ALMS1: variants seen among roughly 807,000 people sequenced by gnomAD.
The protein encoded by ALMS1 is centrosome-associated protein ALMS1.
In ALMS1, 271 loss-of-function variants were observed where a neutral mutation model predicts 352.2. That is an observed-to-expected ratio of 0.77 (90% CI 0.70 to 0.85). ALMS1 has a LOEUF of 0.85. ALMS1 is among the 40% of genes least tolerant of loss of function. The pLI, the probability that ALMS1 is intolerant of heterozygous loss-of-function variation, is 0.00. For missense variants in ALMS1, 5,445 were observed against 4,870.7 expected (o/e 1.12, Z -3.51); for synonymous variants, 1,865 against 1,761.2 (o/e 1.06, Z -1.48).
chr2:73,585,759 G>A (rs28879089), intron 16 of ALMS1, among the ~76,000 whole-genome samples: 41,321 of 132,970 alleles, frequency 0.31, 7,607 homozygotes, highest in African/African-American at 0.55. Flanking sequence ...ACGGAGTCTC[G>A]CTCTTGTTGC....
chr2:73,555,364 G>A (rs1402223284), intron 13 of ALMS1, among the ~76,000 whole-genome samples: 2 of 152,202 alleles, frequency 1.3e-5, no homozygotes, highest in South Asian at 2.1e-4. Flanking sequence ...GTGGAGAAAG[G>A]ATGAAGAGGA....
chr2:73,557,216 C>A lies in ALMS1; in HGVS notation c.10079-4C>A. On this transcript the variant is annotated splice_region_variant and splice_polypyrimidine_tract_variant and intron_variant, in intron 13 of 22. Coordinates refer to ENST00000613296, the MANE Select transcript of ALMS1 (RefSeq NM_001378454.1). ...TCTGAAATCAAATGATGTCGTTATT[C>A]CAGATGCCTCAGTTCAAGTGCTAAT... The A allele has an allele frequency of 6.2e-7, 1 of 1,613,962 alleles. No homozygotes were observed. Among genetic ancestry groups the A allele is most frequent in the South Asian group, 1.1e-5 (1 of 91,074 alleles).
intron 10 of ALMS1, among the ~76,000 whole-genome samples, chr2:73,513,197 T>A (rs1234891851): frequency 2.6e-5 from 4 of 152,104 alleles, no homozygotes; most frequent in African/African-American, 9.7e-5. Context: ...TCACCCTGCT[T>A]GGGCTTTGGC....
intron 11 of ALMS1, among the ~76,000 whole-genome samples, chr2:73,531,022 C>T (rs114292122): frequency 0.016 from 2,468 of 152,320 alleles, 66 homozygotes; most frequent in African/African-American, 0.056. Context: ...AAGGGACTCC[C>T]GTTAAGATCT....
chr2:73,595,087 C>T (rs1278473246), intron 16 of ALMS1, among the ~76,000 whole-genome samples: 1 of 152,136 alleles, frequency 6.6e-6, no homozygotes, highest in Non-Finnish European at 1.5e-5. Flanking sequence ...ATTCTCATTT[C>T]TTGAACTGGT....
rs72811924 is a variant in ALMS1 at position 73,472,993 on chromosome 2, G to A, written c.7675-16641G>A. 1.8e-3 allele frequency among the ~76,000 whole-genome samples: 270 copies of A among 152,110 alleles called. 1 individual carries two copies. Among genetic ancestry groups the A allele is most frequent in the South Asian group, 0.012 (59 of 4,824 alleles). On this transcript the variant is annotated intron_variant, in intron 9 of 22. Coordinates refer to ENST00000613296, the MANE Select transcript of ALMS1 (RefSeq NM_001378454.1). ...GAATAGGTAGACAAAAAGCCAGGAA[G>A]GAACGGTTGAAAAGGAGATACGGGG...
rs916543108 is a variant in ALMS1, at chr2:73,569,729, A to C, written c.10385-2533A>C. On this transcript the variant is annotated intron_variant, in intron 15 of 22. Coordinates refer to ENST00000613296, the MANE Select transcript of ALMS1 (RefSeq NM_001378454.1). ...TATTTGCACTCTCCCTTATTGCCTC[A>C]GTTCTTTCCTACTTTTATGCTTTTG... Among the ~76,000 whole-genome samples, 9 of 152,360 alleles carry C rather than the reference A, an allele frequency of 5.9e-5. No individual in the cohort carries two copies. In the South Asian group the frequency reaches 1.9e-3, roughly 32 times the overall value.
Position 73,451,342 on chromosome 2 carries a change from A to G in ALMS1, c.4815A>G (p.Glu1605=), listed in dbSNP as rs1671934084. 3.1e-6 allele frequency: 5 copies of G among 1,613,846 alleles called. No individual in the cohort carries two copies. Among genetic ancestry groups the G allele is most frequent in the South Asian group, 1.1e-5 (1 of 91,060 alleles). The change falls in exon 8 of 23, where the codon GAA becomes GAG. Residue 1605 remains glutamate (E), a synonymous_variant. Coordinates refer to ENST00000613296, the MANE Select transcript of ALMS1 (RefSeq NM_001378454.1). ...LKVSIVSGPT[E]KKTDIPAGPL... ...TTTCCATTGTTTCTGGACCTACTGAAAAAAAGACTGACATACCAGCAGGAC... is the reference window on the plus strand; with the variant it reads ...TTTCCATTGTTTCTGGACCTACTGAGAAAAAGACTGACATACCAGCAGGAC...
At chr2:73,519,707 T>G (rs1673631776) in intron 10 of ALMS1, 68 bp from the exon 11 acceptor site, 1 of 1,601,026 alleles carries the variant, frequency 6.2e-7, no homozygotes, top group Non-Finnish European at 8.5e-7. Context: ...AAACCACTTT[T>G]GGAAAGAGAT....
Position 73,427,513 on chromosome 2 carries a change from G to A in ALMS1, c.1338+960G>A, listed in dbSNP as rs1558640431. Among the ~76,000 whole-genome samples the A allele has an allele frequency of 6.6e-5, 10 of 151,136 alleles. No individual in the cohort carries two copies. The South Asian group carries it at 2.1e-3, about 32-fold the overall frequency. On this transcript the variant is annotated intron_variant, in intron 6 of 22. Coordinates refer to ENST00000613296, the MANE Select transcript of ALMS1 (RefSeq NM_001378454.1). ...TATCAGCCTTTTTTTTTTAAATTAA[G>A]TTCTGGGGCACATGTGCAGAACGTG...
At chr2:73,447,267 C>A (rs116513177) in intron 7 of ALMS1, among the ~76,000 whole-genome samples, 134 of 152,244 alleles carry the variant, frequency 8.8e-4, no homozygotes, top group African/African-American at 3.0e-3. Flanking sequence ...TTGGATTGTG[C>A]AACCTAGATT....
chr2:73,441,071 A>G (rs565650900), intron 7 of ALMS1, among the ~76,000 whole-genome samples: 1 of 152,256 alleles, frequency 6.6e-6, no homozygotes, highest in South Asian at 2.1e-4. Flanking sequence ...GCTAACCCAC[A>G]GAGTAGAGAA....
At chr2:73,600,542 CTCTT>C in intron 17 of ALMS1, 132 bp from the exon 18 acceptor site, 2 of 753,772 alleles carry the variant, frequency 2.7e-6, no homozygotes. Context: ...CTCTTCCTCT[CTCTT>C]CGCATCCCTC....
At chr2:73,537,163 T>A (rs1674046086) in intron 12 of ALMS1, among the ~76,000 whole-genome samples, 1 of 152,172 alleles carries the variant, frequency 6.6e-6, no homozygotes. Flanking sequence ...ATCAAAAACA[T>A]TTACAGACAA....
chr2:73,559,094 G>A lies in ALMS1; in HGVS notation c.10336G>A (p.Glu3446Lys), dbSNP rs1329337908. Reference sequence around the variant, plus strand: ...GATCCATAGGAAGAAGACAGTTCCCGAGGAAGCCTGGCCAAACAATAAAGA... The same window carrying A: ...GATCCATAGGAAGAAGACAGTTCCCAAGGAAGCCTGGCCAAACAATAAAGA... ...EEIHRKKTVP[E>K]EAWPNNKESL... is the part of the protein sequence containing the mutation. The change falls in exon 15 of 23, where the codon GAG (glutamate) becomes AAG (lysine). Residue 3446 changes from glutamate (E) to lysine (K), a missense_variant. By Grantham distance (56) the Glu-to-Lys change is moderately conservative. Transcript: ENST00000613296. The A allele has an allele frequency of 3.7e-6, 6 of 1,613,776 alleles. No homozygotes were observed. The highest frequency in any genetic ancestry group is 2.7e-5 in the African/African-American group (2 of 74,884).
chr2:73,395,215 G>C (rs1372648013), intron 1 of ALMS1, among the ~76,000 whole-genome samples: 2 of 151,004 alleles, frequency 1.3e-5, no homozygotes, highest in Non-Finnish European at 3.0e-5. Context: ...GAGTAGCTGG[G>C]ATTACAGGTG....
At chr2:73,528,362 C>G (rs370364009) in intron 11 of ALMS1, among the ~76,000 whole-genome samples, 1 of 152,170 alleles carries the variant, frequency 6.6e-6, no homozygotes, top group Non-Finnish European at 1.5e-5. Context: ...TTCTATCTCT[C>G]TCTTTAGCTG....
chr2:73,528,686 CTG>C (rs1673847034), intron 11 of ALMS1, among the ~76,000 whole-genome samples: 1 of 151,990 alleles, frequency 6.6e-6, no homozygotes, highest in African/African-American at 2.4e-5. Context: ...CATTCAACCA[CTG>C]TATGTCTTTG....
intron 9 of ALMS1, among the ~76,000 whole-genome samples, chr2:73,483,065 T>C (rs2103871014): frequency 6.6e-6 from 1 of 151,282 alleles, no homozygotes; most frequent in East Asian, 1.9e-4. Flanking sequence ...TTTGTGTCTC[T>C]ATTTCCTTCA....
Sources: allele counts gnomAD v4.1 joint callset (sites outside exome capture counted in the v4.1 genomes callset), GRCh38; gene constraint gnomAD v4.1.1; transcripts MANE v1.5; gene names NCBI Gene and HGNC (gene_info 2026-07-23, HGNC 2026-07-21).